The following MYH9 variants were observed in gnomAD, a reference collection of about 807,000 sequenced individuals.
MYH9 encodes the protein myosin-9.
Under a neutral mutation model 241.9 loss-of-function variants are expected in MYH9, and 29 were observed. The ratio of observed to expected loss-of-function variants is 0.12; its 90% CI spans 0.09 to 0.16. MYH9 has a LOEUF of 0.16. MYH9 is among the 10% of genes least tolerant of loss of function. MYH9 has a pLI of 1.00. For synonymous variants in MYH9, 1,047 were observed against 1,062.6 expected, an observed-to-expected ratio of 0.99 and a Z score of 0.29; for missense variants, 1,803 against 2,595.5, an observed-to-expected ratio of 0.69 and a Z score of 6.63.
In MYH9 at chr22:36,321,214, G is replaced by C. The variant is rs1049577756; in HGVS notation, c.770-318C>G. Reference sequence around the variant, plus strand: ...CCCACCTTAGCTTCCCAAAGTGTTGGGATTACAGGCGTGAGCCACTGTGCC... The same window carrying C: ...CCCACCTTAGCTTCCCAAAGTGTTGCGATTACAGGCGTGAGCCACTGTGCC... On this transcript the variant is annotated intron_variant, in intron 7 of 40. Transcript: ENST00000216181. Among the ~76,000 whole-genome samples the C allele has an allele frequency of 6.6e-5, 10 of 152,282 alleles. No individual in the cohort carries two copies. The South Asian group carries it at 2.1e-3, about 32-fold the overall frequency.
chr22:36,382,999 T>C (rs1603484760), intron 1 of MYH9, among the ~76,000 whole-genome samples: 1 of 151,468 alleles, frequency 6.6e-6, no homozygotes, highest in Non-Finnish European at 1.5e-5. Flanking sequence ...GGCAGGAGGG[T>C]TGCTTGAGCC....
intron 1 of MYH9, among the ~76,000 whole-genome samples, chr22:36,372,349 TGTG>T (rs1355770167): frequency 2.0e-5 from 3 of 151,796 alleles, no homozygotes; most frequent in Non-Finnish European, 2.9e-5. Flanking sequence ...ATCAGCCAGG[TGTG>T]GTGGTGTGCA....
intron 3 of MYH9, among the ~76,000 whole-genome samples, chr22:36,334,695 C>T (rs573500572): frequency 1.5e-3 from 223 of 152,266 alleles, no homozygotes; most frequent in Non-Finnish European, 2.9e-3. Flanking sequence ...TTGAAGCCTC[C>T]GTGGAAGGCG....
chr22:36,358,687 G>A (rs577660871), intron 1 of MYH9, among the ~76,000 whole-genome samples: 6 of 152,058 alleles, frequency 3.9e-5, no homozygotes, highest in Non-Finnish European at 7.4e-5. Flanking sequence ...ACCACTGCCC[G>A]TGCCCTGTTC....
At chr22:36,339,595 A>G (rs1483914684) in intron 3 of MYH9, among the ~76,000 whole-genome samples, 2 of 152,254 alleles carry the variant, frequency 1.3e-5, no homozygotes, top group African/African-American at 4.8e-5. Context: ...TTCACAGCAC[A>G]GCGTGGGTGG....
In MYH9 at chr22:36,305,228, C is replaced by G; in HGVS notation, c.2160-126G>C. On this transcript the variant is annotated intron_variant, in intron 17 of 40. Transcript: ENST00000216181. The surrounding 1 kb of genome is among the most constrained non-coding windows in gnomAD (Gnocchi z 4.7). ...ACACAGAATTCTTTACACAAACTCT[C>G]CTAAGGAAAGAAGACACAGGCAAAT... 1 of 874,174 alleles carries G rather than the reference C, an allele frequency of 1.1e-6. No individual in the cohort carries two copies. Among genetic ancestry groups the G allele is most frequent in the South Asian group, 1.4e-5 (1 of 71,010 alleles). The allele number at this position is 874,174 out of a possible 1,614,324, so 54.2% of individuals were successfully genotyped here.
At chr22:36,346,151 CA>C (rs56232061) in intron 2 of MYH9, among the ~76,000 whole-genome samples, 70,493 of 121,118 alleles carry the variant, frequency 0.58, 18,220 homozygotes, top group Middle Eastern at 0.68. Context: ...GACTCCGTCT[CA>C]AAAAAAAAAA....
intron 3 of MYH9, among the ~76,000 whole-genome samples, chr22:36,334,351 T>C (rs1297384062): frequency 6.6e-6 from 1 of 152,200 alleles, no homozygotes; most frequent in Non-Finnish European, 1.5e-5. Flanking sequence ...CCACAGCACC[T>C]GTCTGGTCCA....
chr22:36,358,066 T>C (rs1286471173), intron 1 of MYH9, among the ~76,000 whole-genome samples: 1 of 152,118 alleles, frequency 6.6e-6, no homozygotes, highest in Admixed American at 6.5e-5. Context: ...TGGGAGCTGT[T>C]GACACAGCTG....
chr22:36,330,500 C>A lies in MYH9; in HGVS notation c.491-3012G>T, dbSNP rs755090881. On this transcript the variant is annotated intron_variant, in intron 3 of 40. Transcript: ENST00000216181. The surrounding 1 kb of genome is among the most constrained non-coding windows in gnomAD (Gnocchi z 4.5). ...GGTATTATCATCATTGTTTTGCCAT[C>A]TTTCCACACAGCGGTTCTTCTGGAT... 2.0e-5 allele frequency among the ~76,000 whole-genome samples: 3 copies of A among 152,192 alleles called. No individual in the cohort carries two copies. Among genetic ancestry groups the A allele is most frequent in the Non-Finnish European group, 4.4e-5 (3 of 68,024 alleles).
chr22:36,322,666 C>T (rs909660824), intron 5 of MYH9, 145 bp from the exon 6 acceptor site: 30 of 760,868 alleles, frequency 3.9e-5, no homozygotes, highest in Non-Finnish European at 6.3e-5. Flanking sequence ...CTCCAGTGTG[C>T]GACTCCAACC....
chr22:36,321,670 G>C (rs2017253770), intron 7 of MYH9, 88 bp downstream of exon 7: 1 of 1,245,904 alleles, frequency 8.0e-7, no homozygotes, highest in Non-Finnish European at 1.2e-6. Context: ...AGGGGAAAGT[G>C]CTGGAATCAG....
intron 5 of MYH9, among the ~76,000 whole-genome samples, chr22:36,323,893 G>A (rs1301497688): frequency 1.3e-5 from 2 of 152,254 alleles, no homozygotes; most frequent in African/African-American, 4.8e-5. Context: ...CAGGCTCTAC[G>A]TGTGCGCTGG....
chr22:36,374,278 G>T (rs2018132315), intron 1 of MYH9, among the ~76,000 whole-genome samples: 1 of 152,176 alleles, frequency 6.6e-6, no homozygotes, highest in Non-Finnish European at 1.5e-5. Context: ...AGCACTTTGG[G>T]AGGCCAAGGT....
At chr22:36,290,824 C>G (rs1307950882) in intron 31 of MYH9, among the ~76,000 whole-genome samples, 2 of 151,914 alleles carry the variant, frequency 1.3e-5, no homozygotes, top group Non-Finnish European at 2.9e-5. Flanking sequence ...TGAGGAGTGC[C>G]TCTGCCCAGT....
chr22:36,301,175 G>C lies in MYH9; in HGVS notation c.2632-118C>G, dbSNP rs1440556661. On this transcript the variant is annotated intron_variant, in intron 21 of 40. Transcript: ENST00000216181. ...GGAAAGGAACATGCAGACAAAAGTA[G>C]CTTTCATCTGGAGAGCTCTGAAGCT... 31 of 1,020,652 alleles carry C rather than the reference G, an allele frequency of 3.0e-5. No homozygotes were observed. The Admixed American group carries it at 6.0e-4, about 20-fold the overall frequency. The allele number at this position is 1,020,652 out of a possible 1,614,324, so 63.2% of individuals were successfully genotyped here.
rs2146336878 is a variant in MYH9, at chr22:36,293,724, G to T, written c.3942+35C>A. ...CGTGGACACAGAGGCCTTTCTGGAG[G>T]GGTCCACCTTCTGGGAACCTGGCGC... On this transcript the variant is annotated intron_variant, in intron 29 of 40. Transcript: ENST00000216181. This position sits in a 1 kb window ranked among gnomAD's most constrained non-coding sequence, Gnocchi z 5.1. 1 of 1,580,952 alleles carries T rather than the reference G, an allele frequency of 6.3e-7. No individual in the cohort carries two copies. Among genetic ancestry groups the T allele is most frequent in the South Asian group, 1.1e-5 (1 of 90,100 alleles).
chr22:36,367,410 A>G (rs904938989), intron 1 of MYH9, among the ~76,000 whole-genome samples: 2 of 152,204 alleles, frequency 1.3e-5, no homozygotes, highest in African/African-American at 4.8e-5. Flanking sequence ...GAGCAAGCAC[A>G]CAGCCAGCCC....
rs530826812 is a variant in MYH9 at position 36,314,741 on chromosome 22, T to TGGGCTCAAGTGATCCTC, written c.1381-440_1381-424dup. The stretch of plus-strand genomic sequence containing the variant: ...TCAGCTCACTGCAGCCTCCGCTTCC[T>TGGGCTCAAGTGATCCTC]GGGCTCAAGTGATCCTCCCAGCTTA... On this transcript the variant is annotated intron_variant, in intron 12 of 40. Coordinates refer to ENST00000216181, the MANE Select transcript of MYH9 (RefSeq NM_002473.6). Among the ~76,000 whole-genome samples the TGGGCTCAAGTGATCCTC allele has an allele frequency of 2.3e-4, 35 of 152,212 alleles. No homozygotes were observed. The South Asian group carries it at 7.3e-3, about 32-fold the overall frequency.
Sources: gnomAD v4.1 joint callset for allele counts (sites outside exome capture counted in the v4.1 genomes callset) on GRCh38, gnomAD v4.1.1 for gene constraint, Gnocchi (gnomAD v3.1) non-coding constraint, MANE v1.5 for transcripts, NCBI Gene and HGNC (gene_info 2026-07-23, HGNC 2026-07-21) for gene names.